CA10: variants seen among roughly 807,000 people sequenced by gnomAD.
The protein encoded by CA10 is carbonic anhydrase 10 (inactive).
CA10 carries 14 observed loss-of-function variants against 44.2 expected under a neutral mutation model. That is an observed-to-expected ratio of 0.32 (90% CI 0.21 to 0.50). The LOEUF (loss-of-function observed/expected upper bound fraction) is 0.50. Among genes scored for constraint, CA10 ranks in the 20% least tolerant of loss-of-function variants. The pLI is 0.99. For missense variants in CA10, 350 were observed against 409.7 expected (o/e 0.85, Z 1.26); for synonymous variants, 159 against 141.6 (o/e 1.12, Z -0.87).
At chr17:51,933,619 C>A (rs1427371228) in intron 2 of CA10, among the ~76,000 whole-genome samples, 1 of 152,058 alleles carries the variant, frequency 6.6e-6, no homozygotes, top group African/African-American at 2.4e-5. Context: ...TTTGTTATGG[C>A]AGTAACGGAA....
chr17:52,086,980 C>T (rs762029463), intron 1 of CA10, among the ~76,000 whole-genome samples: 112 of 152,218 alleles, frequency 7.4e-4, no homozygotes, highest in African/African-American at 2.4e-3. Context: ...TAAATGAAAT[C>T]AAGAATGTGC....
intron 4 of CA10, among the ~76,000 whole-genome samples, chr17:51,727,230 G>A (rs1279314994): frequency 6.6e-6 from 1 of 152,154 alleles, no homozygotes; most frequent in Non-Finnish European, 1.5e-5. Flanking sequence ...GGGTGAGGAG[G>A]AAGGGAGTGG....
chr17:52,061,798 T>C (rs1987393822), intron 2 of CA10, among the ~76,000 whole-genome samples: 1 of 152,158 alleles, frequency 6.6e-6, no homozygotes, highest in African/African-American at 2.4e-5. Flanking sequence ...CAATTAAACC[T>C]CCTCTGTTTA....
chr17:51,875,353 A>G (rs1452803559), intron 3 of CA10, among the ~76,000 whole-genome samples: 2 of 152,148 alleles, frequency 1.3e-5, no homozygotes, highest in East Asian at 1.9e-4. Context: ...GTGTTCCTAG[A>G]CTGATGGAGA....
intron 3 of CA10, among the ~76,000 whole-genome samples, chr17:51,912,278 T>A (rs1392881757): frequency 6.6e-6 from 1 of 152,208 alleles, no homozygotes; most frequent in South Asian, 2.1e-4. Flanking sequence ...GGCACAGTAA[T>A]GGGAGCATTC....
intron 1 of CA10, among the ~76,000 whole-genome samples, chr17:52,078,984 T>C (rs1987891762): frequency 6.6e-6 from 1 of 152,212 alleles, no homozygotes; most frequent in African/African-American, 2.4e-5. Context: ...GAATATATCT[T>C]ATTTTAAAAT....
At chr17:51,876,813 C>G (rs1474254840) in intron 3 of CA10, among the ~76,000 whole-genome samples, 2 of 152,106 alleles carry the variant, frequency 1.3e-5, no homozygotes, top group African/African-American at 4.8e-5. Flanking sequence ...TTTTTCAGGG[C>G]ATCTGTACCA....
At chr17:52,111,031 TG>T (rs1988779127) in intron 1 of CA10, among the ~76,000 whole-genome samples, 1 of 152,168 alleles carries the variant, frequency 6.6e-6, no homozygotes, top group Admixed American at 6.5e-5. Flanking sequence ...TGAACTAAAT[TG>T]AAGAATCTAA....
intron 2 of CA10, among the ~76,000 whole-genome samples, chr17:52,041,516 T>G (rs1159980912): frequency 6.6e-6 from 1 of 152,136 alleles, no homozygotes; most frequent in African/African-American, 2.4e-5. Context: ...AGGTGTACAT[T>G]GTGAAATGAT....
intron 2 of CA10, among the ~76,000 whole-genome samples, chr17:52,014,468 A>C (rs1432785678): frequency 5.9e-5 from 9 of 152,040 alleles, no homozygotes; most frequent in African/African-American, 2.2e-4. Context: ...ACAATTCAAG[A>C]ATTTCATACA....
intron 1 of CA10, among the ~76,000 whole-genome samples, chr17:52,096,734 T>C (rs1233096049): frequency 6.6e-6 from 1 of 152,238 alleles, no homozygotes; most frequent in Non-Finnish European, 1.5e-5. Flanking sequence ...TTTCTCTTTC[T>C]CTCCCCTCCC....
intron 3 of CA10, among the ~76,000 whole-genome samples, chr17:51,855,408 C>A (rs1978997091): frequency 6.6e-6 from 1 of 152,166 alleles, no homozygotes; most frequent in Non-Finnish European, 1.5e-5. Flanking sequence ...TAAACTATCA[C>A]ACACCATTGA....
chr17:51,858,849 G>A (rs1010122032), intron 3 of CA10, among the ~76,000 whole-genome samples: 1 of 152,028 alleles, frequency 6.6e-6, no homozygotes, highest in Non-Finnish European at 1.5e-5. Flanking sequence ...TGATTAAGAG[G>A]AAAGGTGCTA....
chr17:51,953,037 T>C (rs1260354488), intron 2 of CA10, among the ~76,000 whole-genome samples: 1 of 152,160 alleles, frequency 6.6e-6, no homozygotes, highest in Non-Finnish European at 1.5e-5. Context: ...ATTAGAATTA[T>C]AGGTGTGAGT....
Position 51,649,107 on chromosome 17 carries a change from G to A in CA10, c.634+75C>T, listed in dbSNP as rs974022858. On this transcript the variant is annotated intron_variant, in intron 6 of 8. Transcript: ENST00000451037. ...TGAAAAGGGCCCATGGAGATCATCA[G>A]TTCTGGCTTCCCGCCTTCAGGCAGG... 2.9e-6 allele frequency: 3 copies of A among 1,045,314 alleles called. No homozygotes were observed. The African/African-American group carries it at 4.7e-5, about 16-fold the overall frequency. 64.8% of individuals were successfully genotyped at this position (1,045,314 alleles called of 1,614,324 possible).
At chr17:51,710,681 C>T (rs75453764) in intron 4 of CA10, among the ~76,000 whole-genome samples, 2,100 of 152,084 alleles carry the variant, frequency 0.014, 53 homozygotes, top group African/African-American at 0.048. Context: ...AAACATCCCC[C>T]GACTGAGCTT....
intron 3 of CA10, among the ~76,000 whole-genome samples, chr17:51,800,111 A>C (rs886855539): frequency 7.2e-5 from 11 of 152,258 alleles, no homozygotes; most frequent in African/African-American, 2.7e-4. Context: ...ATGTTCATCA[A>C]CTGATTAGTA....
chr17:51,763,111 A>C (rs1278260707), intron 3 of CA10: 1 of 152,266 alleles, frequency 6.6e-6, no homozygotes. Flanking sequence ...AGCACCAGCT[A>C]GGATTTTACC....
intron 4 of CA10, among the ~76,000 whole-genome samples, chr17:51,743,658 C>T (rs1009348968): frequency 6.6e-6 from 1 of 152,204 alleles, no homozygotes; most frequent in African/African-American, 2.4e-5. Context: ...ACGACTGTTG[C>T]ACTGTGCCAA....
Sources: allele counts gnomAD v4.1 joint callset (sites outside exome capture counted in the v4.1 genomes callset), GRCh38; gene constraint gnomAD v4.1.1; transcripts MANE v1.5; gene names NCBI Gene and HGNC (gene_info 2026-07-23, HGNC 2026-07-21).